The following TACC2 variants were observed in gnomAD, a reference collection of about 807,000 sequenced individuals.
TACC2 encodes the protein transforming acidic coiled-coil containing protein 2.
A neutral mutation model predicts 227.3 loss-of-function variants in TACC2; 137 were observed. The observed-to-expected ratio is 0.60, with a 90% CI of 0.52 to 0.69. The LOEUF is 0.69. TACC2 is among the 30% of genes least tolerant of loss of function. The probability of loss-of-function intolerance (pLI) is 0.00; values close to 1 mark genes in which losing one functional copy is unlikely to be tolerated. For synonymous variants in TACC2, 1,523 were observed against 1,487.5 expected, an observed-to-expected ratio of 1.02 and a Z score of -0.55; for missense variants, 3,470 against 3,694.4, an observed-to-expected ratio of 0.94 and a Z score of 1.57.
chr10:122,168,246 G>A (rs1467747922), intron 7 of TACC2, among the ~76,000 whole-genome samples: 2 of 152,096 alleles, frequency 1.3e-5, no homozygotes, highest in Non-Finnish European at 2.9e-5. Context: ...GCAGCCCTTG[G>A]CTAAATGCTT....
intron 5 of TACC2, among the ~76,000 whole-genome samples, chr10:122,116,557 T>C (rs1265775676): frequency 6.6e-6 from 1 of 152,212 alleles, no homozygotes; most frequent in African/African-American, 2.4e-5. Flanking sequence ...GTGGGGCCGC[T>C]TATCCCTGCC....
Position 122,076,273 on chromosome 10 carries a change from T to C in TACC2, c.147-6374T>C, listed in dbSNP as rs576521587. ...CCTTCCTCTTTGCATAAAGCCACCATGATAACCCAGTAATCCATGAATGGA... is the reference window on the plus strand; with the variant it reads ...CCTTCCTCTTTGCATAAAGCCACCACGATAACCCAGTAATCCATGAATGGA... On this transcript the variant is annotated intron_variant, in intron 3 of 22. Coordinates refer to ENST00000369005, the MANE Select transcript of TACC2 (RefSeq NM_206862.4). Among the ~76,000 whole-genome samples, 22 of 152,286 alleles carry C rather than the reference T, an allele frequency of 1.4e-4. No homozygotes were observed. The South Asian group carries it at 1.5e-3, about 10-fold the overall frequency.
chr10:122,247,800 C>T (rs1342354079), intron 19 of TACC2: 1 of 152,176 alleles, frequency 6.6e-6, no homozygotes, highest in Non-Finnish European at 1.5e-5. Flanking sequence ...GTACTATGCT[C>T]AGTACCTGGG....
intron 8 of TACC2, among the ~76,000 whole-genome samples, chr10:122,197,527 C>G (rs1399309797): frequency 6.6e-6 from 1 of 152,228 alleles, no homozygotes; most frequent in African/African-American, 2.4e-5. Flanking sequence ...CGCACAACAT[C>G]CATCTTTTTC....
In TACC2 at chr10:122,084,927, AG is replaced by A. The variant is rs1174567037; in HGVS notation, c.2431del (p.Glu811LysfsTer4). Reference sequence around the variant, plus strand: ...ATCAGCAGGGAATCCCATCCTGCCCAGGGGAAGGCTGGATAAGAGGAGCTGC... The same window carrying A: ...ATCAGCAGGGAATCCCATCCTGCCCAGGGAAGGCTGGATAAGAGGAGCTGC... ...QDQQGIPSCP[G>X]EGWIRGAASE... On this transcript the variant is annotated frameshift_variant, in exon 4 of 23. Transcript: ENST00000369005. LOFTEE classifies it high-confidence loss of function. 1 of 1,614,042 alleles carries A rather than the reference AG, an allele frequency of 6.2e-7. No individual in the cohort carries two copies. Among genetic ancestry groups the A allele is most frequent in the Non-Finnish European group, 8.5e-7 (1 of 1,180,048 alleles).
At chr10:122,064,288 A>C (rs2077158950) in intron 3 of TACC2, among the ~76,000 whole-genome samples, 1 of 152,216 alleles carries the variant, frequency 6.6e-6, no homozygotes, top group African/African-American at 2.4e-5. Flanking sequence ...CTATTACAAA[A>C]GAGTTCCCAT....
At chr10:122,129,154 C>T (rs902601382) in intron 5 of TACC2, among the ~76,000 whole-genome samples, 2 of 151,202 alleles carry the variant, frequency 1.3e-5, no homozygotes, top group Non-Finnish European at 2.9e-5. Flanking sequence ...GATCTCTGCT[C>T]ACTGCAATCT....
chr10:122,026,445 AT>A (rs77043609), intron 2 of TACC2, among the ~76,000 whole-genome samples: 59,807 of 147,172 alleles, frequency 0.41, 12,027 homozygotes, highest in Admixed American at 0.5. Flanking sequence ...ATTTTCTGCT[AT>A]TTTTTTTTTT....
chr10:122,222,061 A>G (rs1361525257), intron 11 of TACC2, among the ~76,000 whole-genome samples: 2 of 152,216 alleles, frequency 1.3e-5, no homozygotes, highest in Non-Finnish European at 2.9e-5. Context: ...TTCAGCTAGG[A>G]GCAGCCACAC....
chr10:122,143,610 C>T lies in TACC2; in HGVS notation c.5738C>T (p.Ser1913Leu), dbSNP rs377123555. The change falls in exon 7 of 23, where the codon TCG becomes TTG. Residue 1913 changes from serine (S) to leucine (L), a missense_variant. By Grantham distance (145) the Ser-to-Leu change is moderately radical (BLOSUM62 -2). Coordinates refer to ENST00000369005, the MANE Select transcript of TACC2 (RefSeq NM_206862.4). ...PAAAHAGLPP[S>L]AAEHIVSPSA... is the part of the protein sequence containing the mutation. Reference sequence around the variant, plus strand: ...GCTGCCCATGCGGGTCTTCCTCCCTCGGCTGCAGAACACATAGTTTCGCCA... The same window carrying T: ...GCTGCCCATGCGGGTCTTCCTCCCTTGGCTGCAGAACACATAGTTTCGCCA... 50 of 1,613,996 alleles carry T rather than the reference C, an allele frequency of 3.1e-5. No homozygotes were observed. The highest frequency in any genetic ancestry group is 1.7e-4 in the African/African-American group (13 of 74,928).
intron 1 of TACC2, among the ~76,000 whole-genome samples, chr10:122,000,577 T>C (rs927429179): frequency 1.3e-5 from 2 of 152,150 alleles, no homozygotes; most frequent in Non-Finnish European, 2.9e-5. Context: ...GAAGCATTTC[T>C]TTTCCTCCCT....
intron 7 of TACC2, among the ~76,000 whole-genome samples, chr10:122,182,348 C>T (rs1195182270): frequency 6.6e-6 from 1 of 152,192 alleles, no homozygotes; most frequent in Non-Finnish European, 1.5e-5. Context: ...CATTCAGGAG[C>T]ATGTTATCCA....
At position 122,087,032 on chromosome 10, in the gene TACC2, G is replaced by A. The variant is rs907056248; in HGVS notation, c.4532G>A (p.Gly1511Asp). The A allele has an allele frequency of 1.9e-6, 3 of 1,613,752 alleles. No individual in the cohort carries two copies. Among genetic ancestry groups the A allele is most frequent in the Non-Finnish European group, 2.5e-6 (3 of 1,180,018 alleles). The change falls in exon 4 of 23, where the codon GGT (glycine) becomes GAT (aspartate). Residue 1511 changes from glycine (G) to aspartate (D), a missense_variant. Gly to Asp is a moderately conservative substitution (Grantham distance 94, BLOSUM62 -1). Coordinates refer to ENST00000369005, the MANE Select transcript of TACC2 (RefSeq NM_206862.4). Reference protein sequence around the residue: ...AGLTWERNLPGAGVGKEMAGV... With the variant: ...AGLTWERNLPDAGVGKEMAGV... ...CTGACCTGGGAGCGGAACTTGCCAG[G>A]TGCCGGTGTGGGGAAGGAGATGGCA...
chr10:122,149,405 A>G (rs937500434), intron 7 of TACC2, among the ~76,000 whole-genome samples: 3 of 152,182 alleles, frequency 2.0e-5, no homozygotes, highest in Non-Finnish European at 2.9e-5. Flanking sequence ...GAGGCCCAGG[A>G]GACACCCCTT....
chr10:122,232,767 T>C (rs1418589036), intron 16 of TACC2, among the ~76,000 whole-genome samples: 3 of 152,148 alleles, frequency 2.0e-5, no homozygotes, highest in African/African-American at 4.8e-5. Flanking sequence ...TTCTTTTTCA[T>C]ATAGAAAGAT....
Position 122,087,358 on chromosome 10 carries a change from C to T in TACC2, c.4858C>T (p.His1620Tyr). 1 of 1,614,082 alleles carries T rather than the reference C, an allele frequency of 6.2e-7. No homozygotes were observed. The change falls in exon 4 of 23, where the codon CAC becomes TAC. Residue 1620 changes from histidine to tyrosine, a missense_variant. His to Tyr is a moderately conservative substitution (Grantham distance 83). Transcript: ENST00000369005. ...HGEDGPGDFA[H>Y]TGVPGHVPRS... ...AGAAGATGGTCCCGGGGACTTTGCT[C>T]ACACAGGGGTTCCAGGACATGTGCC...
At position 122,080,644 on chromosome 10, in the gene TACC2, T is replaced by G. The variant is rs147550203; in HGVS notation, c.147-2003T>G. On this transcript the variant is annotated intron_variant, in intron 3 of 22. Transcript: ENST00000369005. ...GTGCCTGCCTCCAAATACAGTCACA[T>G]TGGGGATTAGGGCTTCAACATATGG... Among the ~76,000 whole-genome samples the G allele has an allele frequency of 5.5e-4, 83 of 152,266 alleles. 1 individual carries two copies. Among genetic ancestry groups the G allele is most frequent in the Non-Finnish European group, 1.1e-3 (74 of 68,008 alleles).
chr10:122,137,025 C>T (rs1433037959), intron 6 of TACC2, among the ~76,000 whole-genome samples: 1 of 151,622 alleles, frequency 6.6e-6, no homozygotes, highest in Non-Finnish European at 1.5e-5. Context: ...TTCTGAGTAG[C>T]GGAAAAAGAA....
intron 22 of TACC2, among the ~76,000 whole-genome samples, chr10:122,251,401 G>A (rs528728585): frequency 1.3e-5 from 2 of 152,182 alleles, no homozygotes; most frequent in Non-Finnish European, 2.9e-5. Flanking sequence ...TCAAGTGCAA[G>A]TTTTTGCTCA....
Sources: allele counts gnomAD v4.1 joint callset (sites outside exome capture counted in the v4.1 genomes callset), GRCh38; gene constraint gnomAD v4.1.1; transcripts MANE v1.5; gene names NCBI Gene and HGNC (gene_info 2026-07-23, HGNC 2026-07-21).